ANKS6: variants seen among roughly 807,000 people sequenced by gnomAD.
ANKS6 encodes ankyrin repeat and sterile alpha motif domain containing 6.
In ANKS6, 47 loss-of-function variants were observed where a neutral mutation model predicts 77.9. The observed-to-expected ratio is 0.60, with a 90% confidence interval of 0.48 to 0.77. The LOEUF (loss-of-function observed/expected upper bound fraction) is 0.77, where lower values mean the gene tolerates loss of function less well. Ranked by LOEUF, ANKS6 falls within the 30% of genes least tolerant of loss-of-function variation. The pLI, the probability that ANKS6 is intolerant of heterozygous loss-of-function variation, is 0.00. For synonymous variants in ANKS6, 488 were observed against 501.7 expected, an observed-to-expected ratio of 0.97 and a Z score of 0.37; for missense variants, 1,150 against 1,159.1, an observed-to-expected ratio of 0.99 and a Z score of 0.11.
Position 98,732,124 on chromosome 9 carries a change from C to A in ANKS6, c.*4395G>T, listed in dbSNP as rs941054538. The A allele has an allele frequency of 1.6e-5, 4 of 253,318 alleles. No homozygotes were observed. Among genetic ancestry groups the A allele is most frequent in the African/African-American group, 6.6e-5 (3 of 45,148 alleles). The allele number at this position is 253,318 out of a possible 1,614,324, so 15.7% of individuals were successfully genotyped here. A position where few individuals can be genotyped will look rare whatever the true frequency, so the allele number is the denominator to read the frequency against. ...ACTTGCTAGGAATGGACAAGGACAG[C>A]GACAGGATGGTGCTTCACAGTGCCT... On this transcript the variant is annotated 3_prime_UTR_variant, in exon 15 of 15. Transcript: ENST00000353234.
chr9:98,736,305 T>C lies in ANKS6; in HGVS notation c.*214A>G. ...ACCTGCCAAGCAGAAGCACCCCCAC[T>C]GGACTGTTACATGGGAATCTGTCTC... On this transcript the variant is annotated 3_prime_UTR_variant, in exon 15 of 15. Transcript: ENST00000353234. 7.2e-7 allele frequency: 1 copy of C among 1,393,200 alleles called. No individual in the cohort carries two copies. Among genetic ancestry groups the C allele is most frequent in the Non-Finnish European group, 9.3e-7 (1 of 1,078,172 alleles). The allele number at this position is 1,393,200 out of a possible 1,614,324, so 86.3% of individuals were successfully genotyped here.
intron 9 of ANKS6, among the ~76,000 whole-genome samples, chr9:98,773,467 A>G (rs1445604234): frequency 6.6e-6 from 1 of 152,188 alleles, no homozygotes; most frequent in Non-Finnish European, 1.5e-5. Flanking sequence ...CTTGGGCACA[A>G]GAAAACACCA....
At chr9:98,794,266 A>T (rs542058165) in intron 1 of ANKS6, among the ~76,000 whole-genome samples, 22 of 152,272 alleles carry the variant, frequency 1.4e-4, no homozygotes, top group African/African-American at 5.3e-4. Flanking sequence ...CCACACAGAG[A>T]GCTGGGACGA....
chr9:98,793,288 C>A (rs574187350), intron 1 of ANKS6, among the ~76,000 whole-genome samples: 11 of 152,352 alleles, frequency 7.2e-5, no homozygotes, highest in African/African-American at 2.6e-4. Context: ...TGGCTGGGAG[C>A]ACAGGCTCTG....
intron 11 of ANKS6, among the ~76,000 whole-genome samples, chr9:98,757,569 C>A (rs1415653721): frequency 6.6e-6 from 1 of 152,074 alleles, no homozygotes; most frequent in African/African-American, 2.4e-5. Context: ...GTGATGGTAA[C>A]CTTCATCACT....
At chr9:98,785,600 G>A (rs1031283281) in intron 2 of ANKS6, among the ~76,000 whole-genome samples, 2 of 152,152 alleles carry the variant, frequency 1.3e-5, no homozygotes, top group East Asian at 1.9e-4. Context: ...CCAAGCTTGG[G>A]CCAGCAGGTA....
intron 1 of ANKS6, 50 bp from the exon 2 acceptor site, chr9:98,790,656 G>C: frequency 6.4e-7 from 1 of 1,561,916 alleles, no homozygotes; most frequent in Non-Finnish European, 8.7e-7. Flanking sequence ...GCACTCGGGG[G>C]CCAGCTTATG....
In ANKS6 at chr9:98,788,312, A is replaced by G. The variant is rs533261834; in HGVS notation, c.862+1792T>C. Among the ~76,000 whole-genome samples, 75 of 152,318 alleles carry G rather than the reference A, an allele frequency of 4.9e-4. 1 individual carries two copies. The South Asian group carries it at 0.016, about 32-fold the overall frequency. On this transcript the variant is annotated intron_variant, in intron 2 of 14. Coordinates refer to ENST00000353234, the MANE Select transcript of ANKS6 (RefSeq NM_173551.5). ...AGCTCGGCAGGCACGGGCAGGTGCA[A>G]GTTCTGGAGTGTTCACTTCTGAGCC...
intron 5 of ANKS6, among the ~76,000 whole-genome samples, chr9:98,781,344 G>A (rs1264772659): frequency 1.3e-5 from 2 of 152,238 alleles, no homozygotes; most frequent in Admixed American, 6.5e-5. Context: ...CGGCAGTGGA[G>A]GCTAGGGAGA....
At chr9:98,782,617 T>C (rs1423138835) in intron 4 of ANKS6, 44 bp from the exon 5 acceptor site, 3 of 1,531,334 alleles carry the variant, frequency 2.0e-6, no homozygotes, top group South Asian at 2.2e-5. Context: ...AGCAAAGGCA[T>C]GGCTTTGCTC....
intron 2 of ANKS6, among the ~76,000 whole-genome samples, chr9:98,786,170 G>C (rs1834553550): frequency 6.6e-6 from 1 of 152,104 alleles, no homozygotes; most frequent in African/African-American, 2.4e-5. Context: ...GTAGAGACGG[G>C]GTTTTGCCAT....
chr9:98,768,166 C>CGAT lies in ANKS6; in HGVS notation c.2054_2056dup (p.His685dup), dbSNP rs1564200238. The CGAT allele has an allele frequency of 4.3e-6, 7 of 1,614,034 alleles. No individual in the cohort carries two copies. Among genetic ancestry groups the CGAT allele is most frequent in the Non-Finnish European group, 5.9e-6 (7 of 1,180,022 alleles). ...CGGTGCTGGCCCCACAGGGCTTGAC[C>CGAT]GATGGCTGGGTTTCTGCTCCAATAA... is the stretch of plus-strand genomic sequence containing the variant. On this transcript the variant is annotated inframe_insertion, in exon 11 of 15. Transcript: ENST00000353234.
At chr9:98,739,262 T>C (rs1831678317) in intron 14 of ANKS6, among the ~76,000 whole-genome samples, 1 of 152,076 alleles carries the variant, frequency 6.6e-6, no homozygotes, top group Non-Finnish European at 1.5e-5. Context: ...TCCCCAATAA[T>C]CTATGGAAAT....
intron 11 of ANKS6, 90 bp from the exon 12 acceptor site, chr9:98,756,693 G>C: frequency 9.0e-7 from 1 of 1,111,014 alleles, no homozygotes; most frequent in Non-Finnish European, 1.2e-6. Flanking sequence ...AACATGGGTG[G>C]TATTTGATTC....
At chr9:98,741,301 G>C (rs1025417032) in intron 14 of ANKS6, among the ~76,000 whole-genome samples, 1 of 152,116 alleles carries the variant, frequency 6.6e-6, no homozygotes, top group Non-Finnish European at 1.5e-5. Context: ...TATATTTTAC[G>C]AAAATTTAAG....
At chr9:98,787,818 T>A (rs1834657139) in intron 2 of ANKS6, among the ~76,000 whole-genome samples, 1 of 152,224 alleles carries the variant, frequency 6.6e-6, no homozygotes, top group Non-Finnish European at 1.5e-5. Context: ...AGCCTCAGAC[T>A]AGTTCTGCTC....
chr9:98,787,205 C>T (rs1423019879), intron 2 of ANKS6, among the ~76,000 whole-genome samples: 4 of 152,132 alleles, frequency 2.6e-5, no homozygotes, highest in Non-Finnish European at 4.4e-5. Context: ...ATAGCACAGC[C>T]TGCACCCTAC....
Position 98,734,027 on chromosome 9 carries a change from AC to A in ANKS6, c.*2491del. On this transcript the variant is annotated 3_prime_UTR_variant, in exon 15 of 15. Coordinates refer to ENST00000353234, the MANE Select transcript of ANKS6 (RefSeq NM_173551.5). ...AATCAGAAAAACAAGCACCCAACTGACCCCTCCTCCCTGACGATCTATAACC... is the reference window on the plus strand; with the variant it reads ...AATCAGAAAAACAAGCACCCAACTGACCCTCCTCCCTGACGATCTATAACC... The A allele has an allele frequency of 1.0e-6, 1 of 984,516 alleles. No homozygotes were observed. The highest frequency in any genetic ancestry group is 1.2e-6 in the Non-Finnish European group (1 of 829,740). The allele number at this position is 984,516 out of a possible 1,614,324, so 61.0% of individuals were successfully genotyped here.
Position 98,735,700 on chromosome 9 carries a change from A to C in ANKS6, c.*819T>G. 1 of 1,231,742 alleles carries C rather than the reference A, an allele frequency of 8.1e-7. No individual in the cohort carries two copies. Among genetic ancestry groups the C allele is most frequent in the African/African-American group, 1.5e-5 (1 of 64,544 alleles). 76.3% of individuals were successfully genotyped at this position (1,231,742 alleles called of 1,614,324 possible). ...GGTCTGACCTTCCACTTTGCAGATA[A>C]GGAAACTGAAAGCTAGGAAGAAGAA... is the stretch of plus-strand genomic sequence containing the variant. On this transcript the variant is annotated 3_prime_UTR_variant, in exon 15 of 15. Transcript: ENST00000353234.
Sources: gnomAD v4.1 joint callset for allele counts (sites outside exome capture counted in the v4.1 genomes callset) on GRCh38, gnomAD v4.1.1 for gene constraint, MANE v1.5 for transcripts, NCBI Gene and HGNC (gene_info 2026-07-23, HGNC 2026-07-21) for gene names.